ACTR6: variants seen among roughly 807,000 people sequenced by gnomAD.
ACTR6 encodes the protein actin related protein 6, also known as actin-related protein 6.
ACTR6 carries 50 observed loss-of-function variants against 52.5 expected under a neutral mutation model. That is an observed-to-expected ratio of 0.95 (90% CI 0.76 to 1.20). The LOEUF (loss-of-function observed/expected upper bound fraction) is 1.20, where lower values mean the gene tolerates loss of function less well. Among genes scored for constraint, ACTR6 ranks in the 50% most tolerant of loss-of-function variants. The pLI is 0.00. For missense variants in ACTR6, 344 were observed against 472.4 expected (o/e 0.73, Z 2.52); for synonymous variants, 135 against 147.2 (o/e 0.92, Z 0.60).
intron 4 of ACTR6, 125 bp downstream of exon 4, chr12:100,207,911 A>G (rs1441921883): frequency 9.3e-7 from 1 of 1,075,920 alleles, no homozygotes; most frequent in Non-Finnish European, 1.4e-6. Context: ...CTGTAACCCC[A>G]TCAGTTTGGG....
At chr12:100,223,713 A>G in intron 10 of ACTR6, 73 bp from the exon 11 acceptor site, 1 of 1,533,626 alleles carries the variant, frequency 6.5e-7, no homozygotes, top group South Asian at 1.2e-5. Flanking sequence ...CACCAACCTA[A>G]TAGTAATTTA....
chr12:100,201,189 G>A (rs886081765), intron 1 of ACTR6: 1 of 775,962 alleles, frequency 1.3e-6, no homozygotes, highest in African/African-American at 1.8e-5. Flanking sequence ...TTATAGAGAT[G>A]CGTTCCTGAC....
chr12:100,215,153 G>GAAAAC (rs955765483), intron 8 of ACTR6, among the ~76,000 whole-genome samples: 3 of 152,150 alleles, frequency 2.0e-5, no homozygotes, highest in Non-Finnish European at 4.4e-5. Context: ...TGGGGCACTT[G>GAAAAC]AAAACAAAAC....
At chr12:100,205,349 G>A in intron 2 of ACTR6, 1 of 291,484 alleles carries the variant, frequency 3.4e-6, no homozygotes, top group Middle Eastern at 1.0e-3. Context: ...TGACATTTTA[G>A]TTATTGCTTA....
intron 4 of ACTR6, among the ~76,000 whole-genome samples, chr12:100,209,611 C>A (rs1241779888): frequency 6.6e-6 from 1 of 152,210 alleles, no homozygotes; most frequent in Non-Finnish European, 1.5e-5. Flanking sequence ...GAGGTCTCAA[C>A]CTACTGCCTA....
chr12:100,222,086 C>G (rs914680994), intron 10 of ACTR6, among the ~76,000 whole-genome samples: 6 of 151,964 alleles, frequency 3.9e-5, no homozygotes, highest in African/African-American at 1.5e-4. Context: ...TCCCGAATAG[C>G]TGGGACTACA....
intron 8 of ACTR6, among the ~76,000 whole-genome samples, chr12:100,214,934 A>G (rs1176991537): frequency 6.6e-6 from 1 of 152,206 alleles, no homozygotes; most frequent in Non-Finnish European, 1.5e-5. Flanking sequence ...AAGACAAGAA[A>G]AACTGCCCCA....
intron 1 of ACTR6, among the ~76,000 whole-genome samples, chr12:100,201,348 G>C (rs981582939): frequency 6.6e-6 from 1 of 152,316 alleles, no homozygotes; most frequent in South Asian, 2.1e-4. Flanking sequence ...ACGGTCTTAG[G>C]ATCTAGAGGC....
intron 4 of ACTR6, among the ~76,000 whole-genome samples, chr12:100,209,138 C>T (rs1386988422): frequency 6.6e-6 from 1 of 152,212 alleles, no homozygotes; most frequent in Non-Finnish European, 1.5e-5. Context: ...AAGTGTATTA[C>T]AGGCTTAGAT....
At chr12:100,210,484 C>G (rs892321121) in intron 6 of ACTR6, 133 bp downstream of exon 6, 1 of 941,594 alleles carries the variant, frequency 1.1e-6, no homozygotes, top group Admixed American at 2.8e-5. Flanking sequence ...ATTGGGAGGC[C>G]GAGGTGGGTG....
At position 100,218,675 on chromosome 12, in the gene ACTR6, A is replaced by G; in HGVS notation, c.922+89A>G. On this transcript the variant is annotated intron_variant, in intron 9 of 10. Transcript: ENST00000188312. This position sits in a 1 kb window ranked among gnomAD's most constrained non-coding sequence, Gnocchi z 4.2. ...AACCCTGTTTCCTCTAAATAATTTC[A>G]GGCAAATTGGTGAGTCTGTTTTATT... The G allele has an allele frequency of 1.2e-6, 1 of 865,434 alleles. No homozygotes were observed. Among genetic ancestry groups the G allele is most frequent in the Admixed American group, 4.0e-5 (1 of 25,012 alleles). 53.6% of individuals were successfully genotyped at this position (865,434 alleles called of 1,614,324 possible). A position where few individuals can be genotyped will look rare whatever the true frequency, so the allele number is the denominator to read the frequency against.
Position 100,218,375 on chromosome 12 carries a change from G to C in ACTR6, c.751-40G>C, listed in dbSNP as rs747478178. The C allele has an allele frequency of 6.5e-6, 10 of 1,531,324 alleles. No homozygotes were observed. In the African/African-American group the frequency reaches 9.7e-5, roughly 15 times the overall value. The allele number at this position is 1,531,324 out of a possible 1,614,324, so 94.9% of individuals were successfully genotyped here. On this transcript the variant is annotated intron_variant, in intron 8 of 10. Coordinates refer to ENST00000188312, the MANE Select transcript of ACTR6 (RefSeq NM_022496.5). The surrounding 1 kb of genome is among the most constrained non-coding windows in gnomAD (Gnocchi z 4.2). ...TACTAATTATTAGTCATGTGAGCTAGATAATATAACTTAAACTTTTAATCT... is the reference window on the plus strand; with the variant it reads ...TACTAATTATTAGTCATGTGAGCTACATAATATAACTTAAACTTTTAATCT...
intron 6 of ACTR6, 60 bp from the exon 7 acceptor site, chr12:100,212,196 A>G (rs567178706): frequency 2.4e-6 from 3 of 1,243,732 alleles, no homozygotes; most frequent in African/African-American, 1.5e-5. Flanking sequence ...AAAATTTCAG[A>G]TAATTATAAA....
intron 8 of ACTR6, among the ~76,000 whole-genome samples, chr12:100,213,828 T>A (rs1382576735): frequency 1.3e-5 from 2 of 152,228 alleles, no homozygotes; most frequent in African/African-American, 4.8e-5. Flanking sequence ...TTTGCATTTC[T>A]GGTTACCAGC....
intron 2 of ACTR6, 137 bp downstream of exon 2, chr12:100,205,194 TGG>T: frequency 1.3e-5 from 7 of 545,068 alleles, no homozygotes; most frequent in East Asian, 6.6e-5. Context: ...TTTAATTGTT[TGG>T]GTAAAAATAA....
Position 100,205,699 on chromosome 12 carries a change from TC to T in ACTR6, c.211del (p.Gln71ArgfsTer19). On this transcript the variant is annotated frameshift_variant, in exon 3 of 11. Transcript: ENST00000188312. LOFTEE classifies it high-confidence loss of function. ...QKGYLVNWDV[Q>X]RQVWDYLFGK... is the part of the protein sequence containing the mutation. The stretch of plus-strand genomic sequence containing the variant: ...AGGGCTACTTGGTGAATTGGGATGT[TC>T]AGAGACAAGTTTGGGATTACCTTTT... 6.6e-7 allele frequency: 1 copy of T among 1,523,086 alleles called. No individual in the cohort carries two copies. Among genetic ancestry groups the T allele is most frequent in the South Asian group, 1.4e-5 (1 of 70,850 alleles). 94.3% of individuals were successfully genotyped at this position (1,523,086 alleles called of 1,614,324 possible).
intron 8 of ACTR6, among the ~76,000 whole-genome samples, chr12:100,213,006 CAA>C (rs60253803): frequency 0.093 from 6,201 of 66,428 alleles, 270 homozygotes; most frequent in African/African-American, 0.28. Context: ...GACTCTGTCT[CAA>C]AAAAAAAAAA....
intron 1 of ACTR6, among the ~76,000 whole-genome samples, chr12:100,201,661 A>G (rs1233424381): frequency 2.0e-5 from 3 of 152,188 alleles, no homozygotes; most frequent in Non-Finnish European, 2.9e-5. Context: ...GTGTATCATT[A>G]TCATTGTCAC....
intron 10 of ACTR6, among the ~76,000 whole-genome samples, chr12:100,223,106 G>A (rs1434907557): frequency 7.2e-5 from 11 of 152,106 alleles, no homozygotes; most frequent in Admixed American, 7.2e-4. Flanking sequence ...GGGAGGTCGA[G>A]GTGTGTGGAT....
Sources: gnomAD v4.1 joint callset for allele counts (sites outside exome capture counted in the v4.1 genomes callset) on GRCh38, gnomAD v4.1.1 for gene constraint, Gnocchi (gnomAD v3.1) non-coding constraint, MANE v1.5 for transcripts, NCBI Gene and HGNC (gene_info 2026-07-23, HGNC 2026-07-21) for gene names.